The following FRMD5 variants were observed in gnomAD, a reference collection of about 807,000 sequenced individuals.
FRMD5 encodes FERM domain-containing protein 5.
Under a neutral mutation model 69.0 loss-of-function variants are expected in FRMD5, and 20 were observed. The observed-to-expected ratio is 0.29, with a 90% CI of 0.20 to 0.42. FRMD5 has a LOEUF of 0.42. Among genes scored for constraint, FRMD5 ranks in the 10% least tolerant of loss-of-function variants. The pLI is 1.00. For missense variants in FRMD5, 595 were observed against 708.6 expected (o/e 0.84, Z 1.82); for synonymous variants, 271 against 260.1 (o/e 1.04, Z -0.40).
intron 1 of FRMD5, among the ~76,000 whole-genome samples, chr15:44,163,690 G>T (rs1274531627): frequency 6.6e-6 from 1 of 152,154 alleles, no homozygotes; most frequent in Admixed American, 6.5e-5. Flanking sequence ...GAAACAAAAC[G>T]TCCAAGTATT....
chr15:44,136,039 T>G (rs1277072096), intron 1 of FRMD5, among the ~76,000 whole-genome samples: 2 of 152,130 alleles, frequency 1.3e-5, no homozygotes, highest in Admixed American at 1.3e-4. Context: ...TCTTTTTTCT[T>G]GAGACAAGGT....
At chr15:44,193,673 C>CA (rs1266113589) in intron 1 of FRMD5, among the ~76,000 whole-genome samples, 3 of 152,182 alleles carry the variant, frequency 2.0e-5, no homozygotes, top group Admixed American at 6.5e-5. Context: ...CACTTATGCC[C>CA]AGAGCTGGTT....
At chr15:44,136,263 A>G (rs1415120910) in intron 1 of FRMD5, among the ~76,000 whole-genome samples, 1 of 152,210 alleles carries the variant, frequency 6.6e-6, no homozygotes, top group East Asian at 1.9e-4. Context: ...GGTTTAAGCA[A>G]TCCACCCACC....
intron 1 of FRMD5, among the ~76,000 whole-genome samples, chr15:44,037,787 G>A (rs922033557): frequency 6.6e-6 from 1 of 151,926 alleles, no homozygotes; most frequent in Non-Finnish European, 1.5e-5. Flanking sequence ...TGTGTCTATA[G>A]TAGAATGATT....
intron 7 of FRMD5, chr15:43,901,916 C>T: frequency 2.3e-6 from 1 of 442,840 alleles, no homozygotes; most frequent in Non-Finnish European, 4.0e-6. Flanking sequence ...TACCAAATTA[C>T]CCATTGCGGG....
intron 4 of FRMD5, among the ~76,000 whole-genome samples, chr15:43,912,231 T>A (rs929823939): frequency 1.9e-4 from 29 of 152,152 alleles, no homozygotes; most frequent in African/African-American, 7.0e-4. Context: ...AGTCTTAGCC[T>A]GGAAGTTAAT....
intron 1 of FRMD5, among the ~76,000 whole-genome samples, chr15:44,099,029 T>G (rs1260758534): frequency 6.6e-6 from 1 of 152,180 alleles, no homozygotes; most frequent in Non-Finnish European, 1.5e-5. Context: ...TTTCCTAGGT[T>G]AAGGGCAACC....
intron 13 of FRMD5, among the ~76,000 whole-genome samples, chr15:43,875,670 G>T (rs551902639): frequency 5.3e-5 from 8 of 151,888 alleles, no homozygotes; most frequent in Non-Finnish European, 1.0e-4. Context: ...TAGAGACGGG[G>T]TTTTGCCATT....
chr15:44,124,048 G>A (rs1286091579), intron 1 of FRMD5, among the ~76,000 whole-genome samples: 4 of 152,054 alleles, frequency 2.6e-5, no homozygotes, highest in Admixed American at 2.6e-4. Context: ...CTGGAGTGCA[G>A]TGGCATGACC....
intron 1 of FRMD5, among the ~76,000 whole-genome samples, chr15:44,138,985 C>T (rs1043075646): frequency 6.6e-6 from 1 of 152,016 alleles, no homozygotes; most frequent in Non-Finnish European, 1.5e-5. Flanking sequence ...TTGGTGAGCA[C>T]AGGATTTCTT....
intron 1 of FRMD5, among the ~76,000 whole-genome samples, chr15:44,162,613 A>G (rs886249059): frequency 3.3e-5 from 5 of 152,028 alleles, no homozygotes; most frequent in Non-Finnish European, 7.4e-5. Context: ...CACGCCTGTG[A>G]TCCCAGCACT....
At position 44,023,488 on chromosome 15, in the gene FRMD5, G is replaced by A. The variant is rs953057803; in HGVS notation, c.103-99179C>T. Among the ~76,000 whole-genome samples the A allele has an allele frequency of 3.3e-5, 5 of 152,198 alleles. No homozygotes were observed. In the East Asian group the frequency reaches 5.8e-4, roughly 18 times the overall value. The stretch of plus-strand genomic sequence containing the variant: ...CAAAGCACCTTGAGCTTAATAATAC[G>A]GAACTTTCTTTGTGGGAAAGAGCCT... On this transcript the variant is annotated intron_variant, in intron 1 of 13. Coordinates refer to ENST00000417257, the MANE Select transcript of FRMD5 (RefSeq NM_032892.5).
At chr15:44,022,402 T>TAA (rs879937526) in intron 1 of FRMD5, among the ~76,000 whole-genome samples, 2 of 140,492 alleles carry the variant, frequency 1.4e-5, no homozygotes, top group African/African-American at 2.6e-5. Context: ...CCATCTCTAC[T>TAA]AAAAAAAAAA....
chr15:44,168,020 A>G (rs2077738951), intron 1 of FRMD5, among the ~76,000 whole-genome samples: 1 of 152,256 alleles, frequency 6.6e-6, no homozygotes, highest in Non-Finnish European at 1.5e-5. Context: ...ACTACAAATG[A>G]TCTTCAAATT....
chr15:44,006,103 C>G (rs1057351658), intron 1 of FRMD5, among the ~76,000 whole-genome samples: 5 of 152,164 alleles, frequency 3.3e-5, no homozygotes, highest in Non-Finnish European at 7.4e-5. Flanking sequence ...GACAGGCTGA[C>G]TCAGATTAAA....
chr15:44,083,340 T>G (rs1894067699), intron 1 of FRMD5, among the ~76,000 whole-genome samples: 2 of 152,010 alleles, frequency 1.3e-5, no homozygotes, highest in Non-Finnish European at 2.9e-5. Flanking sequence ...TCTTAAAATA[T>G]TTAAAACAAG....
chr15:44,108,466 G>C (rs1420644066), intron 1 of FRMD5, among the ~76,000 whole-genome samples: 1 of 152,158 alleles, frequency 6.6e-6, no homozygotes, highest in East Asian at 1.9e-4. Flanking sequence ...CCAACATAGA[G>C]AAACCCCGTC....
chr15:44,141,325 A>G (rs2077270877), intron 1 of FRMD5, among the ~76,000 whole-genome samples: 1 of 152,184 alleles, frequency 6.6e-6, no homozygotes, highest in Non-Finnish European at 1.5e-5. Flanking sequence ...TTGAAAGAAA[A>G]AGACAAAATA....
At chr15:44,106,480 C>T (rs2076720391) in intron 1 of FRMD5, among the ~76,000 whole-genome samples, 1 of 152,150 alleles carries the variant, frequency 6.6e-6, no homozygotes, top group Non-Finnish European at 1.5e-5. Flanking sequence ...CCTGTCTTTG[C>T]TCCTGCTGCT....
Sources: allele counts gnomAD v4.1 joint callset (sites outside exome capture counted in the v4.1 genomes callset), GRCh38; gene constraint gnomAD v4.1.1; transcripts MANE v1.5; gene names NCBI Gene and HGNC (gene_info 2026-07-23, HGNC 2026-07-21).